DDX24: variants seen among roughly 807,000 people sequenced by gnomAD.
DDX24 encodes ATP-dependent RNA helicase DDX24.
In DDX24, 24 loss-of-function variants were observed where a neutral mutation model predicts 68.9. The ratio of observed to expected loss-of-function variants is 0.35; its 90% confidence interval spans 0.25 to 0.49. DDX24 has a LOEUF of 0.49. Ranked by LOEUF, DDX24 falls within the 20% of genes least tolerant of loss-of-function variation. DDX24 has a pLI of 0.99. For missense variants in DDX24, 989 were observed against 1,039.0 expected (o/e 0.95, Z 0.66); for synonymous variants, 395 against 385.2 (o/e 1.03, Z -0.30).
Position 94,073,900 on chromosome 14 carries a change from G to A in DDX24, c.718+5125C>T, listed in dbSNP as rs575112934. Reference sequence around the variant, plus strand: ...CTACTAAAAATACAAAAAATTAGCCGGGCATGGTGGTGGGCACCTGTAGTC... The same window carrying A: ...CTACTAAAAATACAAAAAATTAGCCAGGCATGGTGGTGGGCACCTGTAGTC... On this transcript the variant is annotated intron_variant, in intron 2 of 8. Coordinates refer to ENST00000621632, the MANE Select transcript of DDX24 (RefSeq NM_020414.4). Among the ~76,000 whole-genome samples, 17 of 151,840 alleles carry A rather than the reference G, an allele frequency of 1.1e-4. No individual in the cohort carries two copies. The South Asian group carries it at 1.9e-3, about 17-fold the overall frequency.
intron 2 of DDX24, among the ~76,000 whole-genome samples, chr14:94,074,443 C>T (rs567361294): frequency 1.3e-5 from 2 of 152,328 alleles, no homozygotes; most frequent in Non-Finnish European, 2.9e-5. Flanking sequence ...TCATTCACCA[C>T]ATTGGCAGAC....
At chr14:94,077,294 T>C (rs996612556) in intron 2 of DDX24, among the ~76,000 whole-genome samples, 1 of 152,228 alleles carries the variant, frequency 6.6e-6, no homozygotes, top group African/African-American at 2.4e-5. Context: ...GGATGACTTA[T>C]CCAAGTCGTT....
At chr14:94,053,745 C>T (rs1260465726) in intron 7 of DDX24, among the ~76,000 whole-genome samples, 1 of 151,990 alleles carries the variant, frequency 6.6e-6, no homozygotes, top group African/African-American at 2.4e-5. Flanking sequence ...ACCCGGGAGG[C>T]GAAGGTTGTG....
At chr14:94,052,913 C>T (rs890998854) in intron 8 of DDX24, 85 bp downstream of exon 8, 98 of 1,511,792 alleles carry the variant, frequency 6.5e-5, no homozygotes, top group Non-Finnish European at 8.5e-5. Flanking sequence ...TTGACAAGAC[C>T]CACAGTAGTA....
chr14:94,054,406 A>G (rs932285972), intron 7 of DDX24, among the ~76,000 whole-genome samples: 2 of 152,166 alleles, frequency 1.3e-5, no homozygotes, highest in African/African-American at 2.4e-5. Flanking sequence ...CATCTTTGCC[A>G]GCAGGAAGCT....
rs573483455 is a variant in DDX24 at position 94,072,151 on chromosome 14, C to T, written c.718+6874G>A. Among the ~76,000 whole-genome samples, 169 of 152,312 alleles carry T rather than the reference C, an allele frequency of 1.1e-3. 2 individuals carry two copies. Among genetic ancestry groups the T allele is most frequent in the South Asian group, 2.5e-3 (12 of 4,832 alleles). On this transcript the variant is annotated intron_variant, in intron 2 of 8. Coordinates refer to ENST00000621632, the MANE Select transcript of DDX24 (RefSeq NM_020414.4). ...TCATTATACAAAAAAGATACTTTCA[C>T]ACATAATTTTATAGCAGCACAATTC...
chr14:94,064,570 C>T (rs1885660869), intron 2 of DDX24, among the ~76,000 whole-genome samples: 1 of 152,200 alleles, frequency 6.6e-6, no homozygotes, highest in South Asian at 2.1e-4. Flanking sequence ...GGAACCTCCA[C>T]AAAATCTCTA....
Position 94,079,259 on chromosome 14 carries a change from C to T in DDX24, c.484G>A (p.Gly162Arg), listed in dbSNP as rs1381233216. The change falls in exon 2 of 9, where the codon GGG (glycine) becomes AGG (arginine). Residue 162 changes from glycine (G) to arginine (R), a missense_variant. By Grantham distance (125) the Gly-to-Arg change is moderately radical (BLOSUM62 -2). Transcript: ENST00000621632. ...PKKKKNKGKK[G>R]LEPSQSTAAK... ...GCAGTGCTCTGAGAAGGCTCCAACC[C>T]TTTTTTCCCTTTATTTTTCTTCTTT... The T allele has an allele frequency of 3.7e-6, 6 of 1,614,126 alleles. No homozygotes were observed. Among genetic ancestry groups the T allele is most frequent in the South Asian group, 1.1e-5 (1 of 91,074 alleles).
chr14:94,065,405 A>AC (rs1567060057), intron 2 of DDX24, among the ~76,000 whole-genome samples: 2 of 151,896 alleles, frequency 1.3e-5, no homozygotes, highest in Admixed American at 6.6e-5. Context: ...ACACACACAC[A>AC]AATTCAGTGC....
intron 7 of DDX24, 103 bp from the exon 8 acceptor site, chr14:94,053,230 T>G: frequency 6.7e-7 from 1 of 1,500,738 alleles, no homozygotes; most frequent in Non-Finnish European, 9.1e-7. Context: ...CAGGTATCAC[T>G]CTGCTGCCCA....
At chr14:94,076,061 T>TA (rs1174154603) in intron 2 of DDX24, among the ~76,000 whole-genome samples, 1 of 152,228 alleles carries the variant, frequency 6.6e-6, no homozygotes, top group Non-Finnish European at 1.5e-5. Context: ...GAAAACTCTT[T>TA]AAAAGTTACA....
At position 94,049,150 on chromosome 14, in the gene DDX24, G is replaced by C. The variant is rs73348176; in HGVS notation, c.*2041C>G. The C allele has an allele frequency of 6.6e-6, 1 of 152,258 alleles. No individual in the cohort carries two copies. Among genetic ancestry groups the C allele is most frequent in the Non-Finnish European group, 1.5e-5 (1 of 68,078 alleles). 9.4% of individuals were successfully genotyped at this position (152,258 alleles called of 1,614,324 possible). On this transcript the variant is annotated 3_prime_UTR_variant, in exon 9 of 9. Coordinates refer to ENST00000621632, the MANE Select transcript of DDX24 (RefSeq NM_020414.4). Reference sequence around the variant, plus strand: ...CTCCTGCCTTTTAAAGCCTGTCTACGTATTAGCTCCTCCACCAAGGAAAAG... The same window carrying C: ...CTCCTGCCTTTTAAAGCCTGTCTACCTATTAGCTCCTCCACCAAGGAAAAG...
At position 94,079,361 on chromosome 14, in the gene DDX24, G is replaced by C. The variant is rs1886009965; in HGVS notation, c.382C>G (p.Gln128Glu). ...FEVKDPELEA[Q>E]GDDMVCDDPE... ...TCATCACAAACCATGTCATCTCCCT[G>C]GGCCTCCAGCTCAGGATCTTTCACT... The change falls in exon 2 of 9, where the codon CAG (glutamine) becomes GAG (glutamate). Residue 128 changes from glutamine (Q) to glutamate (E), a missense_variant. By Grantham distance (29) the Gln-to-Glu change is conservative. Transcript: ENST00000621632. 1.9e-6 allele frequency: 3 copies of C among 1,613,856 alleles called. No homozygotes were observed. Among genetic ancestry groups the C allele is most frequent in the Admixed American group, 1.7e-5 (1 of 59,978 alleles).
chr14:94,053,801 CA>C (rs1885440983), intron 7 of DDX24, among the ~76,000 whole-genome samples: 1 of 151,732 alleles, frequency 6.6e-6, no homozygotes, highest in Non-Finnish European at 1.5e-5. Context: ...GCAACATGAG[CA>C]AAGCTCCGTC....
intron 2 of DDX24, among the ~76,000 whole-genome samples, chr14:94,073,703 A>G (rs1240763944): frequency 2.0e-5 from 3 of 152,216 alleles, no homozygotes; most frequent in African/African-American, 4.8e-5. Context: ...GTCAGAATAC[A>G]TGAAACAAAA....
intron 7 of DDX24, among the ~76,000 whole-genome samples, chr14:94,054,386 T>C (rs1885451988): frequency 6.6e-6 from 1 of 152,192 alleles, no homozygotes; most frequent in Non-Finnish European, 1.5e-5. Context: ...ACCTCCTCTG[T>C]ACCCTTCCAC....
intron 2 of DDX24, among the ~76,000 whole-genome samples, chr14:94,071,473 A>AC (rs1307669220): frequency 6.6e-6 from 1 of 152,032 alleles, no homozygotes; most frequent in Non-Finnish European, 1.5e-5. Context: ...ACATGGTGAA[A>AC]CCCCATGTCT....
chr14:94,058,405 C>CA (rs1470383615), intron 5 of DDX24, among the ~76,000 whole-genome samples: 1 of 152,198 alleles, frequency 6.6e-6, no homozygotes, highest in Non-Finnish European at 1.5e-5. Context: ...CTCACTTCAT[C>CA]AGAGACTGAC....
intron 2 of DDX24, among the ~76,000 whole-genome samples, chr14:94,066,902 C>G (rs1468028869): frequency 6.6e-6 from 1 of 152,110 alleles, no homozygotes; most frequent in Non-Finnish European, 1.5e-5. Context: ...GAAAACCAAC[C>G]CTGGTAATAT....
Sources: allele counts gnomAD v4.1 joint callset (sites outside exome capture counted in the v4.1 genomes callset), GRCh38; gene constraint gnomAD v4.1.1; transcripts MANE v1.5; gene names NCBI Gene and HGNC (gene_info 2026-07-23, HGNC 2026-07-21).